ARHGAP26: variants seen among roughly 807,000 people sequenced by gnomAD.
The protein encoded by ARHGAP26 is rho GTPase-activating protein 26.
A neutral mutation model predicts 104.8 loss-of-function variants in ARHGAP26; 38 were observed. That is an observed-to-expected ratio of 0.36 (90% CI 0.28 to 0.48). The LOEUF (loss-of-function observed/expected upper bound fraction) is 0.48. Among genes scored for constraint, ARHGAP26 ranks in the 20% least tolerant of loss-of-function variants. ARHGAP26 has a pLI of 0.99. For synonymous variants in ARHGAP26, 341 were observed against 340.0 expected, an observed-to-expected ratio of 1.00 and a Z score of -0.03; for missense variants, 704 against 947.9, an observed-to-expected ratio of 0.74 and a Z score of 3.38.
At chr5:142,954,152 A>G (rs2152625818) in intron 11 of ARHGAP26, among the ~76,000 whole-genome samples, 1 of 152,356 alleles carries the variant, frequency 6.6e-6, no homozygotes, top group East Asian at 1.9e-4. Flanking sequence ...GGCTGTTGTT[A>G]AATACCACTA....
At chr5:143,193,124 C>T (rs1806185774) in intron 20 of ARHGAP26, among the ~76,000 whole-genome samples, 1 of 152,124 alleles carries the variant, frequency 6.6e-6, no homozygotes, top group African/African-American at 2.4e-5. Flanking sequence ...AAGTCCTGCT[C>T]CCCGGGACAG....
At chr5:143,011,171 A>G (rs1778667973) in intron 11 of ARHGAP26, among the ~76,000 whole-genome samples, 1 of 152,014 alleles carries the variant, frequency 6.6e-6, no homozygotes, top group Non-Finnish European at 1.5e-5. Flanking sequence ...TTCACCTTCC[A>G]AGGACCTGTA....
At chr5:143,191,077 G>A (rs1012577624) in intron 20 of ARHGAP26, among the ~76,000 whole-genome samples, 3 of 152,236 alleles carry the variant, frequency 2.0e-5, no homozygotes, top group South Asian at 2.1e-4. Context: ...CCTTTTTGGG[G>A]TGATGGTGGC....
intron 11 of ARHGAP26, among the ~76,000 whole-genome samples, chr5:142,979,463 A>G (rs1773608474): frequency 6.6e-6 from 1 of 152,218 alleles, no homozygotes; most frequent in South Asian, 2.1e-4. Context: ...TCCAGAGACT[A>G]TGGGACATAT....
intron 17 of ARHGAP26, among the ~76,000 whole-genome samples, chr5:143,082,600 C>T (rs991922286): frequency 1.3e-5 from 2 of 152,188 alleles, no homozygotes; most frequent in African/African-American, 4.8e-5. Context: ...CCCAAAGTCA[C>T]ACTGCTACCA....
In ARHGAP26 at chr5:143,223,458, G is replaced by A. The variant is rs1298343031; in HGVS notation, c.*1012G>A. Reference sequence around the variant, plus strand: ...CTGTTCCTCCATGCAACTGATGTTTGTTTTTTAAAGGGTAAGATGCTGCCT... The same window carrying A: ...CTGTTCCTCCATGCAACTGATGTTTATTTTTTAAAGGGTAAGATGCTGCCT... On this transcript the variant is annotated 3_prime_UTR_variant, in exon 23 of 23. Coordinates refer to ENST00000645722, the MANE Select transcript of ARHGAP26 (RefSeq NM_001135608.3). The A allele has an allele frequency of 8.6e-6, 2 of 231,360 alleles. No homozygotes were observed. Among genetic ancestry groups the A allele is most frequent in the African/African-American group, 4.4e-5 (2 of 45,236 alleles). 14.3% of individuals were successfully genotyped at this position (231,360 alleles called of 1,614,324 possible).
intron 20 of ARHGAP26, among the ~76,000 whole-genome samples, chr5:143,161,695 T>C (rs1269461351): frequency 6.6e-6 from 1 of 152,222 alleles, no homozygotes; most frequent in African/African-American, 2.4e-5. Context: ...TCACCTGCTT[T>C]GTGCTAATGA....
intron 20 of ARHGAP26, chr5:143,203,862 A>G (rs1286035336): frequency 1.3e-5 from 2 of 151,094 alleles, no homozygotes; most frequent in African/African-American, 4.9e-5. Context: ...CATAAGTGGG[A>G]GTTAGTGAGA....
intron 17 of ARHGAP26, among the ~76,000 whole-genome samples, chr5:143,064,847 C>G (rs1445040617): frequency 6.6e-6 from 1 of 152,134 alleles, no homozygotes; most frequent in Non-Finnish European, 1.5e-5. Context: ...TTTCTGAATT[C>G]AAGGAACTAA....
intron 1 of ARHGAP26, among the ~76,000 whole-genome samples, chr5:142,803,606 C>T (rs759469977): frequency 3.9e-5 from 6 of 152,190 alleles, no homozygotes; most frequent in Admixed American, 6.5e-5. Flanking sequence ...TTCAACCTCA[C>T]GCTATTGCCG....
At chr5:142,965,655 C>T (rs1771197966) in intron 11 of ARHGAP26, among the ~76,000 whole-genome samples, 1 of 152,070 alleles carries the variant, frequency 6.6e-6, no homozygotes, top group Non-Finnish European at 1.5e-5. Flanking sequence ...TAATGATATT[C>T]ATATATAATC....
At chr5:142,929,471 A>G (rs1003564006) in intron 10 of ARHGAP26, among the ~76,000 whole-genome samples, 1 of 152,154 alleles carries the variant, frequency 6.6e-6, no homozygotes, top group African/African-American at 2.4e-5. Context: ...TAAATATGGA[A>G]AGAAAGTTAT....
intron 1 of ARHGAP26, among the ~76,000 whole-genome samples, chr5:142,790,172 G>T (rs1482630609): frequency 6.6e-6 from 1 of 152,202 alleles, no homozygotes; most frequent in Non-Finnish European, 1.5e-5. Flanking sequence ...CTAGTGGATA[G>T]TGTAAAGTAC....
chr5:142,993,156 TG>T (rs1454951982), intron 11 of ARHGAP26, among the ~76,000 whole-genome samples: 5 of 138,788 alleles, frequency 3.6e-5, no homozygotes, highest in South Asian at 2.3e-4. Flanking sequence ...AATTTTTGTG[TG>T]GTTTTTTTTT....
chr5:143,058,765 A>C (rs893188967), intron 17 of ARHGAP26, among the ~76,000 whole-genome samples: 1 of 152,234 alleles, frequency 6.6e-6, no homozygotes, highest in African/African-American at 2.4e-5. Context: ...CTTTGGGAAA[A>C]AGAGTGATAT....
intron 12 of ARHGAP26, among the ~76,000 whole-genome samples, chr5:143,026,219 T>C (rs557767527): frequency 6.6e-6 from 1 of 152,344 alleles, no homozygotes; most frequent in East Asian, 1.9e-4. Flanking sequence ...ACATGGATTG[T>C]ATTTATTCTT....
intron 11 of ARHGAP26, among the ~76,000 whole-genome samples, chr5:143,005,553 G>A (rs1777826939): frequency 6.6e-6 from 1 of 152,176 alleles, no homozygotes; most frequent in East Asian, 1.9e-4. Flanking sequence ...GGAAAATGAG[G>A]GTGGTATCCC....
chr5:142,929,573 T>C (rs1051403222), intron 10 of ARHGAP26, among the ~76,000 whole-genome samples: 3 of 152,188 alleles, frequency 2.0e-5, no homozygotes, highest in Non-Finnish European at 4.4e-5. Flanking sequence ...CCTACCCCAC[T>C]TCCCCTGTAA....
intron 20 of ARHGAP26, among the ~76,000 whole-genome samples, chr5:143,162,289 ACACACACACACAC>A: frequency 1.1e-5 from 1 of 92,790 alleles, no homozygotes; most frequent in Non-Finnish European, 2.9e-5. Context: ...ACACATACAC[ACACACACACACAC>A]ACACACACAC....
Sources: gnomAD v4.1 joint callset for allele counts (sites outside exome capture counted in the v4.1 genomes callset) on GRCh38, gnomAD v4.1.1 for gene constraint, MANE v1.5 for transcripts, NCBI Gene and HGNC (gene_info 2026-07-23, HGNC 2026-07-21) for gene names.